The following C13orf42 variants were observed in gnomAD, a reference collection of about 807,000 sequenced individuals.
C13orf42 encodes the protein chromosome 13 open reading frame 42, also known as uncharacterized protein C13orf42.
intron 2 of C13orf42, 59 bp from the exon 3 acceptor site, chr13:51,085,618 G>A: frequency 2.5e-6 from 1 of 398,268 alleles, no homozygotes; most frequent in East Asian, 3.6e-5. Flanking sequence ...AGGCGCATAA[G>A]GCAAAGGAGA....
intron 1 of C13orf42, among the ~76,000 whole-genome samples, chr13:51,089,136 T>C (rs2137976928): frequency 6.6e-6 from 1 of 152,330 alleles, no homozygotes; most frequent in South Asian, 2.1e-4. Context: ...AGGATGGTAT[T>C]AAAAGTGAAT....
intron 1 of C13orf42, among the ~76,000 whole-genome samples, chr13:51,162,867 C>A (rs1332058843): frequency 1.3e-5 from 2 of 152,206 alleles, no homozygotes; most frequent in Non-Finnish European, 2.9e-5. Flanking sequence ...GTAGATCCCA[C>A]ACTTTAATAT....
intron 1 of C13orf42, among the ~76,000 whole-genome samples, chr13:51,088,740 A>G (rs142925060): frequency 2.0e-5 from 3 of 152,206 alleles, no homozygotes; most frequent in Non-Finnish European, 4.4e-5. Context: ...TTTCTAAAGG[A>G]ACCAAATTTA....
chr13:51,165,112 C>A (rs1318910542), intron 1 of C13orf42, among the ~76,000 whole-genome samples: 2 of 152,160 alleles, frequency 1.3e-5, no homozygotes, highest in Non-Finnish European at 2.9e-5. Context: ...CTTATTTGGA[C>A]TCTGTCAGTG....
intron 1 of C13orf42, among the ~76,000 whole-genome samples, chr13:51,134,728 T>G (rs1303256440): frequency 1.3e-5 from 2 of 152,094 alleles, no homozygotes; most frequent in Non-Finnish European, 2.9e-5. Context: ...CTTAGGGTAT[T>G]TGCCTCCCTT....
At chr13:51,139,956 C>A (rs1228571423) in intron 1 of C13orf42, among the ~76,000 whole-genome samples, 1 of 152,132 alleles carries the variant, frequency 6.6e-6, no homozygotes, top group African/African-American at 2.4e-5. Flanking sequence ...AGAACCCTCT[C>A]TTGGGGTCTG....
chr13:51,156,839 C>T (rs1437814118), intron 1 of C13orf42, among the ~76,000 whole-genome samples: 1 of 152,142 alleles, frequency 6.6e-6, no homozygotes, highest in Admixed American at 6.5e-5. Context: ...CTGCCTAGGC[C>T]AGCTCTCATT....
intron 1 of C13orf42, among the ~76,000 whole-genome samples, chr13:51,137,944 T>C (rs1397404583): frequency 6.6e-6 from 1 of 152,250 alleles, no homozygotes; most frequent in Non-Finnish European, 1.5e-5. Flanking sequence ...TTCAGATTAC[T>C]GTCTACCATT....
chr13:51,091,710 A>G (rs1679224871), intron 1 of C13orf42, among the ~76,000 whole-genome samples: 1 of 152,088 alleles, frequency 6.6e-6, no homozygotes, highest in Non-Finnish European at 1.5e-5. Context: ...CTCTACAGGG[A>G]CCCGAACATA....
chr13:51,114,699 T>C (rs1191731655), upstream of C13orf42, among the ~76,000 whole-genome samples: 1 of 151,730 alleles, frequency 6.6e-6, no homozygotes, highest in Non-Finnish European at 1.5e-5. Context: ...GACAGACAGC[T>C]TCTTGATCCA....
intron 1 of C13orf42, among the ~76,000 whole-genome samples, chr13:51,141,035 T>G (rs903438524): frequency 1.3e-5 from 2 of 151,810 alleles, no homozygotes; most frequent in African/African-American, 2.4e-5. Flanking sequence ...ATTTTTTTTT[T>G]TTGTTAAAGG....
chr13:51,134,430 C>A (rs1304128511), intron 1 of C13orf42, among the ~76,000 whole-genome samples: 1 of 152,212 alleles, frequency 6.6e-6, no homozygotes, highest in Non-Finnish European at 1.5e-5. Context: ...CTGCTGTGGA[C>A]AGATACCTCT....
At chr13:51,115,740 G>C (rs1953485027), upstream of C13orf42, among the ~76,000 whole-genome samples, 2 of 152,198 alleles carry the variant, frequency 1.3e-5, no homozygotes, top group South Asian at 4.1e-4. Context: ...AAATAAATGT[G>C]TTGAATATTG....
At chr13:51,116,915 A>G (rs1953496543) in intron 1 of C13orf42, among the ~76,000 whole-genome samples, 1 of 152,228 alleles carries the variant, frequency 6.6e-6, no homozygotes, top group African/African-American at 2.4e-5. Flanking sequence ...TGCTCAGGGC[A>G]TCCAACAGTT....
rs1450004928 is a variant in C13orf42, at chr13:51,150,109, T to C, written n.136+22144A>G. 2.6e-5 allele frequency among the ~76,000 whole-genome samples: 4 copies of C among 152,236 alleles called. No homozygotes were observed. In the East Asian group the frequency reaches 7.7e-4, roughly 29 times the overall value. ...CCCTTTTGAAGTGCCATAACAGAAT[T>C]GCACAAGAATTATGGACAAAATTAT... is the stretch of plus-strand genomic sequence containing the variant. On this transcript the variant is annotated intron_variant and non_coding_transcript_variant, in intron 1 of 4. Coordinates refer to the C13orf42 transcript ENST00000433280.
upstream of C13orf42, among the ~76,000 whole-genome samples, chr13:51,114,122 G>A (rs1953462702): frequency 6.6e-6 from 1 of 152,218 alleles, no homozygotes; most frequent in Non-Finnish European, 1.5e-5. Context: ...AGCAGGTGTA[G>A]AAGAGCTGAC....
chr13:51,128,229 CTTCCT>C (rs1333771319), intron 1 of C13orf42, among the ~76,000 whole-genome samples: 2 of 152,236 alleles, frequency 1.3e-5, no homozygotes, highest in Non-Finnish European at 2.9e-5. Context: ...AGTAGCCATT[CTTCCT>C]TTCTTTACTT....
At chr13:51,160,234 C>T (rs1176176064) in intron 1 of C13orf42, among the ~76,000 whole-genome samples, 4 of 152,118 alleles carry the variant, frequency 2.6e-5, no homozygotes, top group South Asian at 2.1e-4. Flanking sequence ...ATTTGTGGGA[C>T]GAGAATGGTG....
chr13:51,100,954 GA>G (rs1476593445), intron 1 of C13orf42, among the ~76,000 whole-genome samples: 1 of 152,070 alleles, frequency 6.6e-6, no homozygotes, highest in African/African-American at 2.4e-5. Context: ...TAATGAGATG[GA>G]AAAGAACTCA....
Sources: gnomAD v4.1 joint callset for allele counts (sites outside exome capture counted in the v4.1 genomes callset) on GRCh38, gnomAD v4.1.1 for gene constraint, MANE v1.5 for transcripts, NCBI Gene and HGNC (gene_info 2026-07-23, HGNC 2026-07-21) for gene names.